The following IMMT variants were observed in gnomAD, a reference collection of about 807,000 sequenced individuals.
IMMT encodes inner membrane mitochondrial protein, also known as MICOS complex subunit MIC60.
Under a neutral mutation model 92.7 loss-of-function variants are expected in IMMT, and 40 were observed. The ratio of observed to expected loss-of-function variants is 0.43; its 90% CI spans 0.34 to 0.56. The LOEUF (loss-of-function observed/expected upper bound fraction) is 0.56, where lower values mean the gene tolerates loss of function less well. IMMT is among the 20% of genes least tolerant of loss of function. The probability of loss-of-function intolerance (pLI) is 0.03; values close to 1 mark genes in which losing one functional copy is unlikely to be tolerated. For missense variants in IMMT, 831 were observed against 912.1 expected (o/e 0.91, Z 1.14); for synonymous variants, 322 against 336.1 (o/e 0.96, Z 0.46).
At chr2:86,170,870 A>T (rs1053389975) in intron 5 of IMMT, 26 bp from the exon 6 acceptor site, 1 of 1,515,098 alleles carries the variant, frequency 6.6e-7, no homozygotes, top group African/African-American at 1.4e-5. Context: ...AATAAGAGGA[A>T]ATCAAATTTC....
intron 4 of IMMT, chr2:86,173,376 T>C (rs1230444450): frequency 1.2e-5 from 4 of 333,914 alleles, no homozygotes; most frequent in Non-Finnish European, 2.2e-5. Context: ...AGAGCGGGAG[T>C]TTGAGACCAG....
chr2:86,183,921 G>A (rs993418754), intron 1 of IMMT, among the ~76,000 whole-genome samples: 3 of 152,122 alleles, frequency 2.0e-5, no homozygotes, highest in African/African-American at 7.2e-5. Context: ...GGGACACTGA[G>A]GTTTTTTCTA....
At position 86,185,087 on chromosome 2, in the gene IMMT, C is replaced by T. The variant is rs188469708; in HGVS notation, c.46-3715G>A. The stretch of plus-strand genomic sequence containing the variant: ...CCTGTAGTCCCAGCTACTCGGGAGG[C>T]TGAGGCAGCATGAACCCGGGAGGCA... On this transcript the variant is annotated intron_variant, in intron 1 of 14. Coordinates refer to ENST00000410111, the MANE Select transcript of IMMT (RefSeq NM_006839.3). Among the ~76,000 whole-genome samples, 38 of 151,872 alleles carry T rather than the reference C, an allele frequency of 2.5e-4. 1 individual carries two copies. The East Asian group carries it at 7.0e-3, about 28-fold the overall frequency.
chr2:86,167,824 A>AT, intron 6 of IMMT, among the ~76,000 whole-genome samples: 1 of 151,702 alleles, frequency 6.6e-6, no homozygotes, highest in African/African-American at 2.4e-5. Flanking sequence ...CAAAATAAAA[A>AT]GTGTTTTTTT....
At chr2:86,185,532 A>G (rs1028401094) in intron 1 of IMMT, among the ~76,000 whole-genome samples, 3 of 152,154 alleles carry the variant, frequency 2.0e-5, no homozygotes, top group Non-Finnish European at 2.9e-5. Flanking sequence ...TGTTTCCCAG[A>G]TTCTATTGAA....
intron 3 of IMMT, among the ~76,000 whole-genome samples, chr2:86,178,593 T>A (rs1446786788): frequency 6.6e-6 from 1 of 151,180 alleles, no homozygotes; most frequent in Non-Finnish European, 1.5e-5. Context: ...ATCACTGTGC[T>A]CCAGCCTGGG....
At chr2:86,151,914 T>C (rs767862121) in intron 11 of IMMT, among the ~76,000 whole-genome samples, 32 of 152,374 alleles carry the variant, frequency 2.1e-4, no homozygotes, top group Non-Finnish European at 4.3e-4. Flanking sequence ...TCTTTTCTGC[T>C]AAAACTAAAA....
intron 13 of IMMT, among the ~76,000 whole-genome samples, chr2:86,147,437 G>C (rs1162948690): frequency 6.6e-6 from 1 of 152,174 alleles, no homozygotes. Context: ...AGATACACAT[G>C]TCAAATATTA....
intron 1 of IMMT, among the ~76,000 whole-genome samples, chr2:86,194,223 G>A (rs999377027): frequency 6.6e-6 from 1 of 152,228 alleles, no homozygotes; most frequent in African/African-American, 2.4e-5. Context: ...ACCACAGCAT[G>A]GCTAATACTT....
intron 5 of IMMT, 81 bp downstream of exon 5, chr2:86,171,123 CTTAG>C (rs763762970): frequency 2.5e-5 from 30 of 1,189,648 alleles, no homozygotes; most frequent in Non-Finnish European, 3.2e-5. Flanking sequence ...TAAATGTATA[CTTAG>C]TGTCTACGTG....
intron 10 of IMMT, chr2:86,158,232 A>T (rs939540057): frequency 1.2e-4 from 19 of 160,288 alleles, no homozygotes; most frequent in Admixed American, 2.4e-4. Context: ...TAAAGTAATA[A>T]GGTTTTTTAA....
chr2:86,159,273 CAG>C (rs1558819365), intron 9 of IMMT: 1 of 455,890 alleles, frequency 2.2e-6, no homozygotes, highest in African/African-American at 2.0e-5. Flanking sequence ...TTTGTAGAAA[CAG>C]AGTTTCACCA....
At chr2:86,151,175 C>T in intron 12 of IMMT, 122 bp downstream of exon 12, 1 of 840,550 alleles carries the variant, frequency 1.2e-6, no homozygotes. Context: ...ACCTTGGCCT[C>T]CCAAAGTGCC....
chr2:86,147,890 A>G (rs1675144081), intron 12 of IMMT, 57 bp from the exon 13 acceptor site: 1 of 1,563,072 alleles, frequency 6.4e-7, no homozygotes, highest in Non-Finnish European at 8.7e-7. Flanking sequence ...TACTTTTAGG[A>G]AAACAGAAAG....
intron 8 of IMMT, chr2:86,159,956 T>A (rs1488759636): frequency 1.4e-5 from 3 of 207,020 alleles, no homozygotes; most frequent in East Asian, 1.1e-4. Flanking sequence ...TTCTTTTTTT[T>A]AAAGACTAGT....
At chr2:86,151,949 T>C (rs1354854551) in intron 11 of IMMT, among the ~76,000 whole-genome samples, 1 of 152,236 alleles carries the variant, frequency 6.6e-6, no homozygotes, top group Non-Finnish European at 1.5e-5. Flanking sequence ...CTCTCAGACT[T>C]TTCCTTAATA....
chr2:86,189,946 T>C (rs1393933075), intron 1 of IMMT, among the ~76,000 whole-genome samples: 2 of 152,248 alleles, frequency 1.3e-5, no homozygotes, highest in Non-Finnish European at 2.9e-5. Flanking sequence ...TATTCTATTC[T>C]AGGAGAACAC....
At chr2:86,172,868 C>T (rs764332439) in intron 4 of IMMT, among the ~76,000 whole-genome samples, 3 of 152,142 alleles carry the variant, frequency 2.0e-5, no homozygotes, top group Non-Finnish European at 4.4e-5. Flanking sequence ...TCAGATAACC[C>T]CTTCCAGGTA....
At chr2:86,145,579 G>C (rs1457793792) in intron 14 of IMMT, among the ~76,000 whole-genome samples, 1 of 148,274 alleles carries the variant, frequency 6.7e-6, no homozygotes, top group Non-Finnish European at 1.5e-5. Context: ...CATGAGTATT[G>C]AATTTATTTT....
Sources: gnomAD v4.1 joint callset for allele counts (sites outside exome capture counted in the v4.1 genomes callset) on GRCh38, gnomAD v4.1.1 for gene constraint, MANE v1.5 for transcripts, NCBI Gene and HGNC (gene_info 2026-07-23, HGNC 2026-07-21) for gene names.